PCDH15: variants seen among roughly 807,000 people sequenced by gnomAD.
The protein encoded by PCDH15 is protocadherin related 15.
In PCDH15, 129 loss-of-function variants were observed where a neutral mutation model predicts 178.5. The observed-to-expected ratio is 0.72, with a 90% CI of 0.63 to 0.84. The LOEUF is 0.84. Among genes scored for constraint, PCDH15 ranks in the 40% least tolerant of loss-of-function variants. PCDH15 has a pLI of 0.00. For missense variants in PCDH15, 2,230 were observed against 2,099.9 expected (o/e 1.06, Z -1.21); for synonymous variants, 800 against 732.0 (o/e 1.09, Z -1.50).
chr10:54,901,903 T>C (rs1433175467), intron 2 of PCDH15, among the ~76,000 whole-genome samples: 1 of 152,182 alleles, frequency 6.6e-6, no homozygotes, highest in Non-Finnish European at 1.5e-5. Context: ...TTTCTTCTCA[T>C]CAGAAAATCA....
chr10:54,864,060 C>T lies in PCDH15; in HGVS notation c.-29+33390G>A, dbSNP rs140250680. Among the ~76,000 whole-genome samples the T allele has an allele frequency of 7.5e-3, 1,139 of 152,202 alleles. 10 individuals are homozygous for T. The highest frequency in any genetic ancestry group is 0.016 in the South Asian group (79 of 4,822). On this transcript the variant is annotated intron_variant, in intron 3 of 5. Coordinates refer to the PCDH15 transcript ENST00000458638. ...GATAAATTTTCAAAGGAGTTGGTAG[C>T]TCCCAGAAAATCTAAAAAATGAAGG...
intron 3 of PCDH15, among the ~76,000 whole-genome samples, chr10:54,475,145 C>A (rs954859841): frequency 5.3e-5 from 8 of 151,852 alleles, no homozygotes; most frequent in African/African-American, 1.7e-4. Flanking sequence ...AATTAAGTTT[C>A]ATCATGCAGG....
intron 8 of PCDH15, among the ~76,000 whole-genome samples, chr10:54,250,267 CTTTTTTTT>C (rs765895227): frequency 2.4e-5 from 2 of 84,044 alleles, no homozygotes; most frequent in Admixed American, 1.5e-4. Context: ...TATGCTATTA[CTTTTTTTT>C]TTTTTTTTTT....
intron 32 of PCDH15, among the ~76,000 whole-genome samples, chr10:53,825,795 A>G (rs1351543048): frequency 6.6e-6 from 1 of 151,410 alleles, no homozygotes; most frequent in Non-Finnish European, 1.5e-5. Context: ...TTTACTAAAG[A>G]TAAGATAATT....
rs116901083 is a variant in PCDH15 at position 54,303,892 on chromosome 10, G to C, written c.876+13379C>G. Among the ~76,000 whole-genome samples the C allele has an allele frequency of 3.5e-4, 53 of 152,212 alleles. 2 individuals carry two copies. In the East Asian group the frequency reaches 9.8e-3, roughly 28 times the overall value. On this transcript the variant is annotated intron_variant, in intron 8 of 37. Coordinates refer to ENST00000644397, the MANE Select transcript of PCDH15 (RefSeq NM_001384140.1). ...TATTAAAGAGATGCTTCTTGACAGA[G>C]ATACACTTAAACCATTCTACATTTC...
At chr10:54,642,131 T>C (rs1590771010) in intron 2 of PCDH15, among the ~76,000 whole-genome samples, 1 of 152,018 alleles carries the variant, frequency 6.6e-6, no homozygotes, top group Admixed American at 6.5e-5. Context: ...CCACAGCCCT[T>C]ATGAGTGGGA....
intron 2 of PCDH15, among the ~76,000 whole-genome samples, chr10:55,386,335 C>A (rs1483237214): frequency 1.3e-5 from 2 of 151,692 alleles, no homozygotes; most frequent in African/African-American, 4.8e-5. Flanking sequence ...TTTCTTCAAG[C>A]CATGTATCAA....
intron 2 of PCDH15, among the ~76,000 whole-genome samples, chr10:55,387,785 G>C (rs1837697681): frequency 6.6e-6 from 1 of 152,112 alleles, no homozygotes; most frequent in Non-Finnish European, 1.5e-5. Context: ...ACATCAGCCT[G>C]CCACATTGAT....
At chr10:55,047,474 A>G (rs1193154833) in intron 2 of PCDH15, among the ~76,000 whole-genome samples, 1 of 151,880 alleles carries the variant, frequency 6.6e-6, no homozygotes, top group Non-Finnish European at 1.5e-5. Flanking sequence ...TCTGCATTTG[A>G]GATATTTTCT....
chr10:55,622,664 T>C (rs1344236556), intron 2 of PCDH15, among the ~76,000 whole-genome samples: 1 of 152,186 alleles, frequency 6.6e-6, no homozygotes, highest in Non-Finnish European at 1.5e-5. Context: ...AGTACAATTC[T>C]TAGAAGACTA....
chr10:55,322,537 GC>G (rs2132301053), upstream of PCDH15, among the ~76,000 whole-genome samples: 1 of 152,260 alleles, frequency 6.6e-6, no homozygotes, highest in East Asian at 1.9e-4. Context: ...GAATGGCTTT[GC>G]CCAAAATGCT....
chr10:53,857,522 G>T (rs1478226133), intron 27 of PCDH15, among the ~76,000 whole-genome samples: 6 of 151,928 alleles, frequency 3.9e-5, no homozygotes, highest in African/African-American at 1.4e-4. Flanking sequence ...ATTGTTTTTG[G>T]TTATGTGTTT....
chr10:54,597,072 TG>T (rs2092277822), intron 2 of PCDH15, among the ~76,000 whole-genome samples: 1 of 151,994 alleles, frequency 6.6e-6, no homozygotes, highest in East Asian at 1.9e-4. Context: ...AATCAGAACA[TG>T]AACTTAACAC....
intron 2 of PCDH15, among the ~76,000 whole-genome samples, chr10:55,145,065 A>G (rs1838467531): frequency 1.3e-5 from 2 of 152,076 alleles, no homozygotes; most frequent in Admixed American, 1.3e-4. Context: ...AGTCTGGAAA[A>G]AACTTACCTT....
At chr10:54,333,598 A>T (rs1283247529) in intron 6 of PCDH15, among the ~76,000 whole-genome samples, 1 of 151,972 alleles carries the variant, frequency 6.6e-6, no homozygotes, top group Non-Finnish European at 1.5e-5. Flanking sequence ...CAAGGGAAAA[A>T]AGTAGATTTT....
intron 2 of PCDH15, among the ~76,000 whole-genome samples, chr10:54,951,492 T>C (rs905834437): frequency 6.6e-6 from 1 of 151,924 alleles, no homozygotes; most frequent in Admixed American, 6.6e-5. Flanking sequence ...CTTCTACATT[T>C]TGACAATTAT....
At chr10:55,463,810 A>G (rs1839731144) in intron 2 of PCDH15, among the ~76,000 whole-genome samples, 1 of 151,474 alleles carries the variant, frequency 6.6e-6, no homozygotes, top group Admixed American at 6.6e-5. Flanking sequence ...AAGTGTAATA[A>G]TTTAAATTAA....
chr10:54,746,738 T>C (rs1424229700), intron 1 of PCDH15, among the ~76,000 whole-genome samples: 3 of 152,140 alleles, frequency 2.0e-5, no homozygotes, highest in African/African-American at 7.2e-5. Flanking sequence ...ACTCTAAAGT[T>C]TGATGATATA....
intron 2 of PCDH15, among the ~76,000 whole-genome samples, chr10:55,484,615 A>G (rs958242963): frequency 6.6e-6 from 1 of 151,706 alleles, no homozygotes; most frequent in East Asian, 1.9e-4. Flanking sequence ...GAACAAAGAG[A>G]CAGCAAACTA....
Sources: gnomAD v4.1 joint callset for allele counts (sites outside exome capture counted in the v4.1 genomes callset) on GRCh38, gnomAD v4.1.1 for gene constraint, MANE v1.5 for transcripts, NCBI Gene and HGNC (gene_info 2026-07-23, HGNC 2026-07-21) for gene names.